The following CLSTN2 variants were observed in gnomAD, a reference collection of about 807,000 sequenced individuals.
CLSTN2 encodes calsyntenin-2.
A neutral mutation model predicts 101.2 loss-of-function variants in CLSTN2; 48 were observed. The observed-to-expected ratio is 0.47, with a 90% CI of 0.38 to 0.60. The LOEUF is 0.60. Among genes scored for constraint, CLSTN2 ranks in the 20% least tolerant of loss-of-function variants. CLSTN2 has a pLI of 0.00. For missense variants in CLSTN2, 1,160 were observed against 1,238.2 expected, an observed-to-expected ratio of 0.94 and a Z score of 0.95; for synonymous variants, 481 against 463.6, an observed-to-expected ratio of 1.04 and a Z score of -0.48.
At chr3:140,345,064 T>C (rs1455265955) in intron 2 of CLSTN2, among the ~76,000 whole-genome samples, 1 of 152,110 alleles carries the variant, frequency 6.6e-6, no homozygotes, top group Non-Finnish European at 1.5e-5. Flanking sequence ...AGGAAATCAG[T>C]GTAGACCATG....
rs527303691 is a variant in CLSTN2 at position 140,396,390 on chromosome 3, C to T, written c.233-7239C>T. The stretch of plus-strand genomic sequence containing the variant: ...AATATTTCTGATGTTGAAATGATCT[C>T]TACCTTCAGCCTTTTCAGTTCTTAA... On this transcript the variant is annotated intron_variant, in intron 2 of 16. Transcript: ENST00000458420. 2.0e-5 allele frequency among the ~76,000 whole-genome samples: 3 copies of T among 152,282 alleles called. No homozygotes were observed. The South Asian group carries it at 6.2e-4, about 32-fold the overall frequency.
chr3:140,490,294 T>C (rs947827900), intron 8 of CLSTN2, among the ~76,000 whole-genome samples: 3 of 150,376 alleles, frequency 2.0e-5, no homozygotes, highest in Non-Finnish European at 3.0e-5. Flanking sequence ...TAAATCTCCT[T>C]ATGAAGGAAG....
At chr3:140,477,785 C>T (rs1044298313) in intron 8 of CLSTN2, among the ~76,000 whole-genome samples, 2 of 152,168 alleles carry the variant, frequency 1.3e-5, no homozygotes, top group East Asian at 1.9e-4. Flanking sequence ...CTTCATTTGT[C>T]GATCTCAGCA....
intron 2 of CLSTN2, among the ~76,000 whole-genome samples, chr3:140,354,444 A>G (rs1042160050): frequency 1.3e-5 from 2 of 152,120 alleles, no homozygotes; most frequent in African/African-American, 2.4e-5. Flanking sequence ...CATGACAACC[A>G]CGTATGCTTT....
intron 1 of CLSTN2, among the ~76,000 whole-genome samples, chr3:140,033,646 T>C (rs1408079042): frequency 6.6e-6 from 1 of 152,168 alleles, no homozygotes; most frequent in Non-Finnish European, 1.5e-5. Context: ...ACCTATTCAA[T>C]AGACTGAAAA....
chr3:140,459,857 A>G, intron 7 of CLSTN2, 88 bp downstream of exon 7: 1 of 1,447,662 alleles, frequency 6.9e-7, no homozygotes. Flanking sequence ...ACAGCCAAGG[A>G]GGATGTGGAA....
At chr3:139,994,521 T>C (rs911787197) in intron 1 of CLSTN2, among the ~76,000 whole-genome samples, 10 of 152,340 alleles carry the variant, frequency 6.6e-5, no homozygotes, top group African/African-American at 1.9e-4. Context: ...ATTATTCTTA[T>C]ATGGAGACAA....
At chr3:140,470,697 A>G (rs961796160) in intron 8 of CLSTN2, among the ~76,000 whole-genome samples, 2 of 152,236 alleles carry the variant, frequency 1.3e-5, no homozygotes, top group African/African-American at 2.4e-5. Context: ...GAGAAGACTG[A>G]TAATTTTAGA....
At chr3:140,489,829 A>T (rs1934308139) in intron 8 of CLSTN2, among the ~76,000 whole-genome samples, 1 of 151,052 alleles carries the variant, frequency 6.6e-6, no homozygotes, top group African/African-American at 2.4e-5. Flanking sequence ...TTAGAAAACA[A>T]CTGGCTCTGT....
In CLSTN2 at chr3:139,979,659, C is replaced by T. The variant is rs376877468; in HGVS notation, c.109+44176C>T. ...TCACAACTTTTTGGAAAATGTCATT[C>T]TCTCAACTGACTTTTTGAGAAGATT... On this transcript the variant is annotated intron_variant, in intron 1 of 16. Coordinates refer to ENST00000458420, the MANE Select transcript of CLSTN2 (RefSeq NM_022131.3). Among the ~76,000 whole-genome samples the T allele has an allele frequency of 2.7e-4, 41 of 152,332 alleles. 1 individual carries two copies. The South Asian group carries it at 7.3e-3, about 27-fold the overall frequency.
chr3:140,236,250 G>A (rs2086415760), intron 2 of CLSTN2, among the ~76,000 whole-genome samples: 1 of 152,040 alleles, frequency 6.6e-6, no homozygotes, highest in Non-Finnish European at 1.5e-5. Flanking sequence ...CCTTAACATA[G>A]CCCTAAGAGT....
intron 5 of CLSTN2, among the ~76,000 whole-genome samples, chr3:140,425,295 A>G (rs1246117542): frequency 1.3e-5 from 2 of 152,178 alleles, no homozygotes; most frequent in Admixed American, 1.3e-4. Flanking sequence ...CGCAGGGCCC[A>G]TGAGGACTTG....
chr3:140,345,299 A>C (rs1349283905), intron 2 of CLSTN2, among the ~76,000 whole-genome samples: 1 of 145,116 alleles, frequency 6.9e-6, no homozygotes. Flanking sequence ...CCCAGGCTGC[A>C]GTGCAATGGC....
intron 8 of CLSTN2, among the ~76,000 whole-genome samples, chr3:140,493,154 C>G (rs1225973535): frequency 6.6e-6 from 1 of 152,210 alleles, no homozygotes; most frequent in African/African-American, 2.4e-5. Context: ...TTTCCCATTG[C>G]CTTCCTGGCT....
intron 2 of CLSTN2, among the ~76,000 whole-genome samples, chr3:140,363,917 C>A (rs1424894522): frequency 1.3e-5 from 2 of 152,204 alleles, no homozygotes; most frequent in Non-Finnish European, 2.9e-5. Flanking sequence ...GAAACCCTGA[C>A]TGGGAGGCCT....
chr3:140,240,305 T>TAC (rs1437222617), intron 2 of CLSTN2, among the ~76,000 whole-genome samples: 130 of 143,362 alleles, frequency 9.1e-4, no homozygotes, highest in African/African-American at 3.0e-3. Context: ...TATATATATA[T>TAC]ACACACACAC....
intron 8 of CLSTN2, among the ~76,000 whole-genome samples, chr3:140,529,148 T>C (rs1935203958): frequency 6.6e-6 from 1 of 152,174 alleles, no homozygotes; most frequent in African/African-American, 2.4e-5. Context: ...ATGGGAGGCT[T>C]CCCTGGCCCC....
chr3:140,313,790 A>G (rs1001939839), intron 2 of CLSTN2, among the ~76,000 whole-genome samples: 12 of 152,236 alleles, frequency 7.9e-5, no homozygotes, highest in African/African-American at 2.9e-4. Context: ...ACTGATCTCC[A>G]AATCATAGCA....
intron 1 of CLSTN2, among the ~76,000 whole-genome samples, chr3:140,018,832 C>T (rs1301895853): frequency 6.6e-6 from 1 of 152,200 alleles, no homozygotes; most frequent in Non-Finnish European, 1.5e-5. Context: ...ATTAAGTACT[C>T]ATTGGTAGAT....
Sources: allele counts gnomAD v4.1 joint callset (sites outside exome capture counted in the v4.1 genomes callset), GRCh38; gene constraint gnomAD v4.1.1; transcripts MANE v1.5; gene names NCBI Gene and HGNC (gene_info 2026-07-23, HGNC 2026-07-21).